Variants in VKORC1L1 observed in about 807,000 individuals in gnomAD.
VKORC1L1 encodes the protein vitamin K epoxide reductase complex subunit 1-like protein 1.
VKORC1L1 carries 2 observed loss-of-function variants against 18.9 expected under a neutral mutation model. The observed-to-expected ratio is 0.11, with a 90% CI of 0.04 to 0.33. The LOEUF is 0.33. Among genes scored for constraint, VKORC1L1 ranks in the 10% least tolerant of loss-of-function variants. VKORC1L1 has a pLI of 1.00. For missense variants in VKORC1L1, 123 were observed against 224.1 expected (o/e 0.55, Z 2.88); for synonymous variants, 96 against 100.0 (o/e 0.96, Z 0.24).
At chr7:65,937,270 C>T (rs1020933617) in intron 1 of VKORC1L1, among the ~76,000 whole-genome samples, 1 of 152,122 alleles carries the variant, frequency 6.6e-6, no homozygotes, top group Non-Finnish European at 1.5e-5. Context: ...AGCTATTTTT[C>T]CTTTTCAGAA....
intron 1 of VKORC1L1, among the ~76,000 whole-genome samples, chr7:65,881,380 C>A (rs1163981351): frequency 6.6e-6 from 1 of 152,146 alleles, no homozygotes; most frequent in Non-Finnish European, 1.5e-5. Flanking sequence ...TGAGTGAAAA[C>A]AAGTGAGAAC....
At chr7:65,898,917 G>T (rs1789262974) in intron 1 of VKORC1L1, among the ~76,000 whole-genome samples, 1 of 152,108 alleles carries the variant, frequency 6.6e-6, no homozygotes, top group Non-Finnish European at 1.5e-5. Flanking sequence ...ATCATATAGT[G>T]TTTGCCCTTT....
rs1228607812 is a variant in VKORC1L1 at position 65,956,702 on chromosome 7, A to C, written c.*2402A>C. The C allele has an allele frequency of 6.6e-6, 1 of 152,128 alleles. No homozygotes were observed. Among genetic ancestry groups the C allele is most frequent in the Non-Finnish European group, 1.5e-5 (1 of 68,040 alleles). The allele number at this position is 152,128 out of a possible 1,614,324, so 9.4% of individuals were successfully genotyped here. On this transcript the variant is annotated 3_prime_UTR_variant, in exon 3 of 3. Coordinates refer to ENST00000360768, the MANE Select transcript of VKORC1L1 (RefSeq NM_173517.6). Reference sequence around the variant, plus strand: ...TAATTGGGTGTTTTTTGCCCTGGAGAATTCAGATTCCTTTCTATACCTCCG... The same window carrying C: ...TAATTGGGTGTTTTTTGCCCTGGAGCATTCAGATTCCTTTCTATACCTCCG...
In VKORC1L1 at chr7:65,873,515, C is replaced by T. The variant is rs776228946; in HGVS notation, c.144C>T (p.Ala48=). 47 of 1,590,262 alleles carry T rather than the reference C, an allele frequency of 3.0e-5. No individual in the cohort carries two copies. In the Middle Eastern group the frequency reaches 6.8e-4, roughly 23 times the overall value. ...AGGAGCGGGACCCCGAGCACCGGGC[C>T]CTCTGCGACCTGGGGCCCTGGGTGA... ...REKERDPEHR[A]LCDLGPWVKC... is the part of the protein sequence containing the mutation. Residue 48 remains alanine (A), a synonymous_variant, in exon 1 of 3, where the codon GCC becomes GCT. Transcript: ENST00000360768.
At chr7:65,903,751 G>A (rs988131637) in intron 1 of VKORC1L1, among the ~76,000 whole-genome samples, 16 of 143,858 alleles carry the variant, frequency 1.1e-4, no homozygotes, top group African/African-American at 4.2e-4. Flanking sequence ...TTTAGCCTGG[G>A]TGATAGAGCG....
At chr7:65,947,665 A>G (rs910610916) in intron 1 of VKORC1L1, among the ~76,000 whole-genome samples, 1 of 152,116 alleles carries the variant, frequency 6.6e-6, no homozygotes, top group Non-Finnish European at 1.5e-5. Flanking sequence ...GGATTCCAGG[A>G]AAGACCTATA....
chr7:65,870,823 C>T (rs189486380), upstream of VKORC1L1, among the ~76,000 whole-genome samples: 305 of 152,256 alleles, frequency 2.0e-3, 1 homozygote, highest in African/African-American at 6.7e-3. Flanking sequence ...TTCTGTCATC[C>T]AGGCTGGAGT....
intron 1 of VKORC1L1, among the ~76,000 whole-genome samples, chr7:65,885,412 A>G (rs1193051344): frequency 6.6e-6 from 1 of 152,046 alleles, no homozygotes; most frequent in African/African-American, 2.4e-5. Context: ...TTTCACTTAA[A>G]AAAATTCTTC....
At chr7:65,916,450 T>C (rs1370508495) in intron 1 of VKORC1L1, among the ~76,000 whole-genome samples, 2 of 152,146 alleles carry the variant, frequency 1.3e-5, no homozygotes, top group African/African-American at 4.8e-5. Flanking sequence ...CAGATGTTCT[T>C]GGTTCATCTT....
chr7:65,930,431 C>T (rs973305658), intron 1 of VKORC1L1, among the ~76,000 whole-genome samples: 1 of 152,120 alleles, frequency 6.6e-6, no homozygotes, highest in African/African-American at 2.4e-5. Flanking sequence ...GTTAGGGGAG[C>T]GTATTTGGCT....
intron 1 of VKORC1L1, among the ~76,000 whole-genome samples, chr7:65,875,527 C>T (rs940245661): frequency 1.4e-4 from 22 of 152,076 alleles, no homozygotes; most frequent in African/African-American, 5.3e-4. Flanking sequence ...ACTCCATTCT[C>T]CTGCCTCAGC....
intron 1 of VKORC1L1, among the ~76,000 whole-genome samples, chr7:65,901,673 C>T (rs538146532): frequency 3.3e-5 from 5 of 151,884 alleles, no homozygotes; most frequent in South Asian, 2.1e-4. Flanking sequence ...TGGGGGTTGG[C>T]GGGGAGGGAA....
chr7:65,919,456 C>A (rs1470814154), intron 1 of VKORC1L1, among the ~76,000 whole-genome samples: 1 of 152,166 alleles, frequency 6.6e-6, no homozygotes, highest in African/African-American at 2.4e-5. Context: ...GTCTCTGAAG[C>A]CTTTTCTTTC....
At chr7:65,873,612 G>A in intron 1 of VKORC1L1, 47 bp downstream of exon 1, 2 of 1,452,146 alleles carry the variant, frequency 1.4e-6, no homozygotes, top group East Asian at 2.9e-5. Context: ...GCGGGGCGAG[G>A]GTGGAGTCTC....
chr7:65,900,529 A>G (rs1016999868), intron 1 of VKORC1L1, among the ~76,000 whole-genome samples: 4 of 150,316 alleles, frequency 2.7e-5, no homozygotes, highest in Non-Finnish European at 5.9e-5. Context: ...ATAGCTGGGC[A>G]TGGTGGCTCA....
intron 1 of VKORC1L1, among the ~76,000 whole-genome samples, chr7:65,909,434 A>G (rs1014560768): frequency 1.3e-5 from 2 of 152,100 alleles, no homozygotes; most frequent in Non-Finnish European, 2.9e-5. Flanking sequence ...CAGGATATGG[A>G]CTTCCAATTG....
chr7:65,936,896 C>T (rs1789953541), intron 1 of VKORC1L1, among the ~76,000 whole-genome samples: 1 of 152,176 alleles, frequency 6.6e-6, no homozygotes, highest in Non-Finnish European at 1.5e-5. Flanking sequence ...GAAGAAACAA[C>T]AGGATTCCTT....
Position 65,954,472 on chromosome 7 carries a change from G to C in VKORC1L1, c.*172G>C. On this transcript the variant is annotated 3_prime_UTR_variant, in exon 3 of 3. Coordinates refer to ENST00000360768, the MANE Select transcript of VKORC1L1 (RefSeq NM_173517.6). ...TTAGAAGGGGCCCTCGCTATTTTCT[G>C]TGTCAGTCTTCATTTTAAATATGGA... 1 of 1,140,038 alleles carries C rather than the reference G, an allele frequency of 8.8e-7. No individual in the cohort carries two copies. 70.6% of individuals were successfully genotyped at this position (1,140,038 alleles called of 1,614,324 possible). A position where few individuals can be genotyped will look rare whatever the true frequency, so the allele number is the denominator to read the frequency against.
rs1037871423 is a variant in VKORC1L1 at position 65,955,840 on chromosome 7, CTT to C, written c.*1541_*1542del. On this transcript the variant is annotated 3_prime_UTR_variant, in exon 3 of 3. Transcript: ENST00000360768. Reference sequence around the variant, plus strand: ...AAAATAGTCAATGAGACCAGTATCTCTTGAGTGCTTTATTTGCCTTCTCTTTG... The same window carrying C: ...AAAATAGTCAATGAGACCAGTATCTCGAGTGCTTTATTTGCCTTCTCTTTG... 3.5e-4 allele frequency: 54 copies of C among 152,266 alleles called. No individual in the cohort carries two copies. The highest frequency in any genetic ancestry group is 1.2e-3 in the African/African-American group (51 of 41,542). The allele number at this position is 152,266 out of a possible 1,614,324, so 9.4% of individuals were successfully genotyped here.
Sources: allele counts gnomAD v4.1 joint callset (sites outside exome capture counted in the v4.1 genomes callset), GRCh38; gene constraint gnomAD v4.1.1; transcripts MANE v1.5; gene names NCBI Gene and HGNC (gene_info 2026-07-23, HGNC 2026-07-21).